Variants in RC3H2 observed in about 807,000 individuals in gnomAD.
RC3H2 encodes the protein ring finger and CCCH-type domains 2.
Under a neutral mutation model 133.3 loss-of-function variants are expected in RC3H2, and 31 were observed. The observed-to-expected ratio is 0.23, with a 90% CI of 0.17 to 0.31. The LOEUF (loss-of-function observed/expected upper bound fraction) is 0.31. RC3H2 is among the 10% of genes least tolerant of loss of function. The pLI, the probability that RC3H2 is intolerant of heterozygous loss-of-function variation, is 1.00. For missense variants in RC3H2, 1,175 were observed against 1,437.2 expected (o/e 0.82, Z 2.95); for synonymous variants, 517 against 502.2 (o/e 1.03, Z -0.40).
intron 9 of RC3H2, among the ~76,000 whole-genome samples, chr9:122,873,200 A>G (rs1164146507): frequency 6.6e-6 from 1 of 152,170 alleles, no homozygotes; most frequent in Non-Finnish European, 1.5e-5. Context: ...CCTATCCTCA[A>G]AAAGCTCAGA....
In RC3H2 at chr9:122,905,233, T is replaced by C. The variant is rs1832797310; in HGVS notation, c.-191A>G. On this transcript the variant is annotated 5_prime_UTR_variant, in exon 1 of 21. Transcript: ENST00000357244. ...CGGCGGAGGTTTCACGACCTCAAAC[T>C]CCATCGGGAGCTACAGGGACAGCCC... 1 of 985,338 alleles carries C rather than the reference T, an allele frequency of 1.0e-6. No homozygotes were observed. Among genetic ancestry groups the C allele is most frequent in the Non-Finnish European group, 1.2e-6 (1 of 829,878 alleles). 61.0% of individuals were successfully genotyped at this position (985,338 alleles called of 1,614,324 possible).
At chr9:122,858,531 G>C (rs1830334952) in intron 12 of RC3H2, 138 bp downstream of exon 12, 1 of 648,274 alleles carries the variant, frequency 1.5e-6, no homozygotes, top group Non-Finnish European at 2.6e-6. Context: ...AGGAATGAAA[G>C]AACTGAGGCA....
chr9:122,900,549 T>A (rs1214739273), intron 1 of RC3H2, among the ~76,000 whole-genome samples: 1 of 152,146 alleles, frequency 6.6e-6, no homozygotes. Flanking sequence ...TATCCTATAG[T>A]TTTTATAATT....
chr9:122,891,938 G>A (rs1832194976), intron 3 of RC3H2, among the ~76,000 whole-genome samples: 1 of 152,144 alleles, frequency 6.6e-6, no homozygotes, highest in Admixed American at 6.6e-5. Flanking sequence ...GCTCCATGAT[G>A]GCAGTGACCT....
chr9:122,867,880 CCGGGAGGGAGG>C (rs1369181921), intron 9 of RC3H2, among the ~76,000 whole-genome samples: 9 of 69,798 alleles, frequency 1.3e-4, no homozygotes, highest in African/African-American at 4.6e-4. Flanking sequence ...GCCACCCCGT[CCGGGAGGGAGG>C]TGGGGGGGTC....
chr9:122,900,846 T>C (rs1355506189), intron 1 of RC3H2, among the ~76,000 whole-genome samples: 4 of 152,144 alleles, frequency 2.6e-5, no homozygotes, highest in Non-Finnish European at 5.9e-5. Flanking sequence ...TTACAAAAAT[T>C]GAAAAAGGAT....
intron 18 of RC3H2, among the ~76,000 whole-genome samples, chr9:122,853,464 A>G (rs1019616324): frequency 1.3e-5 from 2 of 152,096 alleles, no homozygotes; most frequent in Admixed American, 1.3e-4. Flanking sequence ...AAAAATCCCA[A>G]TGATCAGCCA....
At chr9:122,889,909 G>A (rs563623954) in intron 4 of RC3H2, among the ~76,000 whole-genome samples, 2 of 152,110 alleles carry the variant, frequency 1.3e-5, no homozygotes, top group African/African-American at 2.4e-5. Flanking sequence ...TGGGAGGCTG[G>A]GGCAGGCAGA....
At chr9:122,872,450 TA>T (rs1831140123) in intron 9 of RC3H2, among the ~76,000 whole-genome samples, 1 of 152,250 alleles carries the variant, frequency 6.6e-6, no homozygotes, top group South Asian at 2.1e-4. Context: ...TCATTCCATT[TA>T]AATAAAACTC....
At chr9:122,867,357 G>A (rs1830747280) in intron 9 of RC3H2, among the ~76,000 whole-genome samples, 1 of 131,504 alleles carries the variant, frequency 7.6e-6, no homozygotes, top group Non-Finnish European at 1.7e-5. Context: ...ACCCCTACTG[G>A]GAAGTGAGGA....
intron 3 of RC3H2, among the ~76,000 whole-genome samples, chr9:122,892,228 C>T (rs780446986): frequency 3.9e-5 from 6 of 152,004 alleles, no homozygotes; most frequent in African/African-American, 9.7e-5. Context: ...TCTCCTACAC[C>T]GGTCTCCTCA....
chr9:122,882,629 G>A (rs776366560), intron 5 of RC3H2, among the ~76,000 whole-genome samples: 7 of 152,130 alleles, frequency 4.6e-5, no homozygotes, highest in African/African-American at 1.4e-4. Flanking sequence ...GTCACTACCC[G>A]CTAGACTATT....
At chr9:122,901,001 T>C (rs1474257623) in intron 1 of RC3H2, among the ~76,000 whole-genome samples, 1 of 152,216 alleles carries the variant, frequency 6.6e-6, no homozygotes, top group African/African-American at 2.4e-5. Flanking sequence ...ATCTCTTATA[T>C]GATTCAAATT....
At chr9:122,872,245 G>C (rs1831132684) in intron 9 of RC3H2, among the ~76,000 whole-genome samples, 1 of 152,046 alleles carries the variant, frequency 6.6e-6, no homozygotes, top group Admixed American at 6.5e-5. Context: ...TTTCTTTATA[G>C]CCCACATTCA....
Position 122,844,850 on chromosome 9 carries a change from T to C in RC3H2, c.*4777A>G, listed in dbSNP as rs1305404187. 6.6e-6 allele frequency: 1 copy of C among 152,190 alleles called. No homozygotes were observed. The highest frequency in any genetic ancestry group is 1.9e-4 in the East Asian group (1 of 5,202). The allele number at this position is 152,190 out of a possible 1,614,324, so 9.4% of individuals were successfully genotyped here. On this transcript the variant is annotated 3_prime_UTR_variant, in exon 21 of 21. Transcript: ENST00000357244. ...TATTCCTATAGCACAAAGGGAAACA[T>C]TACAATTTGGAAATTCAAATTGAAA... is the stretch of plus-strand genomic sequence containing the variant.
At position 122,844,987 on chromosome 9, in the gene RC3H2, A is replaced by G. The variant is rs1829839509; in HGVS notation, c.*4640T>C. 1 of 152,232 alleles carries G rather than the reference A, an allele frequency of 6.6e-6. No homozygotes were observed. The highest frequency in any genetic ancestry group is 1.5e-5 in the Non-Finnish European group (1 of 68,036). 9.4% of individuals were successfully genotyped at this position (152,232 alleles called of 1,614,324 possible). On this transcript the variant is annotated 3_prime_UTR_variant, in exon 21 of 21. Transcript: ENST00000357244. ...TATATGCCTTAAAAATGAGCATTAA[A>G]TCCATCTTAGAGATGGTGCCTGCTT...
intron 20 of RC3H2, 118 bp downstream of exon 20, chr9:122,850,963 A>G (rs889096260): frequency 9.3e-7 from 1 of 1,075,562 alleles, no homozygotes; most frequent in East Asian, 2.4e-5. Context: ...AGATTGACCA[A>G]ATCATTGCCC....
Position 122,865,584 on chromosome 9 carries a change from TG to T in RC3H2, c.1398del (p.Asn466LysfsTer15). 1 of 1,614,202 alleles carries T rather than the reference TG, an allele frequency of 6.2e-7. No individual in the cohort carries two copies. The highest frequency in any genetic ancestry group is 8.5e-7 in the Non-Finnish European group (1 of 1,180,036). On this transcript the variant is annotated frameshift_variant, in exon 10 of 21. Coordinates refer to ENST00000357244, the MANE Select transcript of RC3H2 (RefSeq NM_001100588.3). LOFTEE classifies it high-confidence loss of function. ...TTTCCGGCTGTGGTTGTGACAGTGT[TG>T]TTTACACCAACTTTATTTAGAAGAG... ...TFPLLNKVGV[N>X]NTVTTTAGNV...
chr9:122,853,832 A>G (rs1830142815), intron 18 of RC3H2, 120 bp downstream of exon 18: 2 of 1,570,314 alleles, frequency 1.3e-6, no homozygotes, highest in African/African-American at 2.7e-5. Context: ...AAGTTTTAAA[A>G]GCAATCAATC....
Sources: gnomAD v4.1 joint callset for allele counts (sites outside exome capture counted in the v4.1 genomes callset) on GRCh38, gnomAD v4.1.1 for gene constraint, MANE v1.5 for transcripts, NCBI Gene and HGNC (gene_info 2026-07-23, HGNC 2026-07-21) for gene names.